HNRNPC: variants seen among roughly 807,000 people sequenced by gnomAD.
The protein encoded by HNRNPC is heterogeneous nuclear ribonucleoprotein C, also known as heterogeneous nuclear ribonucleoproteins C1/C2.
A neutral mutation model predicts 33.2 loss-of-function variants in HNRNPC; 3 were observed. The observed-to-expected ratio is 0.09, with a 90% CI of 0.04 to 0.23. The LOEUF (loss-of-function observed/expected upper bound fraction) is 0.23. Among genes scored for constraint, HNRNPC ranks in the 10% least tolerant of loss-of-function variants. HNRNPC has a pLI of 1.00. For synonymous variants in HNRNPC, 121 were observed against 126.7 expected (o/e 0.96, Z 0.30); for missense variants, 143 against 366.7 (o/e 0.39, Z 4.98).
At chr14:21,248,785 T>G (rs1341943726) in intron 2 of HNRNPC, among the ~76,000 whole-genome samples, 1 of 152,246 alleles carries the variant, frequency 6.6e-6, no homozygotes, top group Non-Finnish European at 1.5e-5. Context: ...CCATACTGCA[T>G]TTCCAGAAAA....
At chr14:21,228,781 A>C (rs185413414) in intron 5 of HNRNPC, among the ~76,000 whole-genome samples, 5 of 152,230 alleles carry the variant, frequency 3.3e-5, no homozygotes, top group African/African-American at 1.2e-4. Flanking sequence ...GTTCACACAT[A>C]ACTGTAAAAA....
At chr14:21,252,328 T>A (rs1896762366) in intron 2 of HNRNPC, among the ~76,000 whole-genome samples, 1 of 152,212 alleles carries the variant, frequency 6.6e-6, no homozygotes, top group Non-Finnish European at 1.5e-5. Flanking sequence ...GTTGTTGTTT[T>A]TGTTTTAAGT....
intron 5 of HNRNPC, among the ~76,000 whole-genome samples, chr14:21,220,051 A>ACAGC (rs1414580810): frequency 6.6e-6 from 1 of 152,224 alleles, no homozygotes; most frequent in Non-Finnish European, 1.5e-5. Flanking sequence ...GCTTCTCTGA[A>ACAGC]CAGCCACCCA....
intron 2 of HNRNPC, among the ~76,000 whole-genome samples, chr14:21,238,464 A>G (rs1894972805): frequency 1.3e-5 from 2 of 152,206 alleles, no homozygotes; most frequent in Non-Finnish European, 1.5e-5. Flanking sequence ...TCATTTTCAC[A>G]GTTTCTCTGT....
chr14:21,233,559 AAT>A (rs1281764142), intron 3 of HNRNPC, among the ~76,000 whole-genome samples: 1 of 152,124 alleles, frequency 6.6e-6, no homozygotes, highest in Non-Finnish European at 1.5e-5. Context: ...AATACAAGAA[AAT>A]CTAACACTGA....
Position 21,211,133 on chromosome 14 carries a change from T to C in HNRNPC, c.*90A>G. The stretch of plus-strand genomic sequence containing the variant: ...AACAGTGAGCATGTGCTGAAGATAC[T>C]AGGGGAGAGGATCTGGTGAAAAATT... On this transcript the variant is annotated 3_prime_UTR_variant, in exon 9 of 9. Transcript: ENST00000553300. 7.8e-7 allele frequency: 1 copy of C among 1,282,574 alleles called. No individual in the cohort carries two copies. Among genetic ancestry groups the C allele is most frequent in the South Asian group, 1.3e-5 (1 of 78,780 alleles). The allele number at this position is 1,282,574 out of a possible 1,614,324, so 79.4% of individuals were successfully genotyped here. A position where few individuals can be genotyped will look rare whatever the true frequency, so the allele number is the denominator to read the frequency against.
At chr14:21,212,842 G>A in intron 6 of HNRNPC, 118 bp downstream of exon 6, 1 of 1,304,518 alleles carries the variant, frequency 7.7e-7, no homozygotes. Flanking sequence ...CACACACCCA[G>A]CCTCTTCCAT....
At chr14:21,254,630 C>G (rs1226358634) in intron 2 of HNRNPC, 1 of 152,090 alleles carries the variant, frequency 6.6e-6, no homozygotes, top group Admixed American at 6.5e-5. Context: ...TTTTAGCAAG[C>G]TGCGGTGGCT....
chr14:21,257,576 T>C (rs1179636243), intron 2 of HNRNPC, among the ~76,000 whole-genome samples: 2 of 151,740 alleles, frequency 1.3e-5, no homozygotes, highest in South Asian at 2.1e-4. Context: ...AAAAAAAAGA[T>C]AGCTCACTTT....
At chr14:21,231,851 T>C (rs1344257900) in intron 3 of HNRNPC, among the ~76,000 whole-genome samples, 1 of 152,208 alleles carries the variant, frequency 6.6e-6, no homozygotes, top group South Asian at 2.1e-4. Context: ...GTTCAGCTCA[T>C]TCCGAATTAT....
At chr14:21,228,534 G>A (rs1199890124) in intron 5 of HNRNPC, among the ~76,000 whole-genome samples, 1 of 152,012 alleles carries the variant, frequency 6.6e-6, no homozygotes, top group African/African-American at 2.4e-5. Flanking sequence ...TGGGACTACA[G>A]GCGCGTGCCA....
Position 21,260,373 on chromosome 14 carries a change from A to T in HNRNPC, c.-37+2938T>A, listed in dbSNP as rs1166284527. Among the ~76,000 whole-genome samples, 1,111 of 150,450 alleles carry T rather than the reference A, an allele frequency of 7.4e-3. 18 individuals are homozygous for T. The highest frequency in any genetic ancestry group is 0.026 in the African/African-American group (1,054 of 40,952). Reference sequence around the variant, plus strand: ...AGAGCGAGACTCCGTCTTATTTAAAAAAAAAAAAAAAAAAAAATCCCTTTA... The same window carrying T: ...AGAGCGAGACTCCGTCTTATTTAAATAAAAAAAAAAAAAAAAATCCCTTTA... On this transcript the variant is annotated intron_variant, in intron 2 of 8. Transcript: ENST00000553300.
intron 2 of HNRNPC, among the ~76,000 whole-genome samples, chr14:21,253,426 T>G (rs535052423): frequency 8.5e-6 from 1 of 118,256 alleles, no homozygotes; most frequent in Admixed American, 1.2e-4. Flanking sequence ...GTGAGAGAGA[T>G]CACGCCACTG....
chr14:21,265,148 G>A (rs1880965142), intron 1 of HNRNPC: 1 of 152,216 alleles, frequency 6.6e-6, no homozygotes, highest in Non-Finnish European at 1.5e-5. Context: ...TACATTTGAT[G>A]TGTGAAAACT....
At chr14:21,219,639 C>T (rs900869598) in intron 5 of HNRNPC, among the ~76,000 whole-genome samples, 12 of 152,124 alleles carry the variant, frequency 7.9e-5, no homozygotes, top group Non-Finnish European at 1.5e-4. Context: ...TTGGCATTTT[C>T]AATCTCCTTT....
chr14:21,252,859 T>C (rs1482067606), intron 2 of HNRNPC, among the ~76,000 whole-genome samples: 4 of 152,118 alleles, frequency 2.6e-5, no homozygotes, highest in Non-Finnish European at 4.4e-5. Context: ...CTCTTTTGTG[T>C]ATGTGAAATT....
rs1891607136 is a variant in HNRNPC, at chr14:21,211,576, A to G, written c.638-10T>C. ...TCATTCTTCATCTCTACTGCGGATG[A>G]GAAGGACAAGTCTGTCTAGGGGCAG... On this transcript the variant is annotated splice_polypyrimidine_tract_variant and intron_variant, in intron 7 of 8. Coordinates refer to ENST00000553300, the MANE Select transcript of HNRNPC (RefSeq NM_004500.4). 1 of 1,601,522 alleles carries G rather than the reference A, an allele frequency of 6.2e-7. No homozygotes were observed. The highest frequency in any genetic ancestry group is 1.3e-5 in the African/African-American group (1 of 74,636).
chr14:21,242,505 A>G (rs1231368054), intron 2 of HNRNPC, among the ~76,000 whole-genome samples: 1 of 152,188 alleles, frequency 6.6e-6, no homozygotes, highest in Non-Finnish European at 1.5e-5. Context: ...AAGACACATT[A>G]TTTAAAATTT....
Position 21,213,015 on chromosome 14 carries a change from G to C in HNRNPC, c.468C>G (p.Gly156=). ...CACTCTTAGAATTGAAGCCACTTTTGCCCCTTCGTGAAGTGTTTCCTGATA... is the reference window on the plus strand; with the variant it reads ...CACTCTTAGAATTGAAGCCACTTTTCCCCCTTCGTGAAGTGTTTCCTGATA... ...QRVSGNTSRR[G]KSGFNSKSGQ... Residue 156 remains glycine (G), a synonymous_variant, in exon 6 of 9, where the codon GGC becomes GGG. Transcript: ENST00000553300. 6.2e-7 allele frequency: 1 copy of C among 1,613,956 alleles called. No individual in the cohort carries two copies. The highest frequency in any genetic ancestry group is 8.5e-7 in the Non-Finnish European group (1 of 1,179,856).
Sources: gnomAD v4.1 joint callset for allele counts (sites outside exome capture counted in the v4.1 genomes callset) on GRCh38, gnomAD v4.1.1 for gene constraint, MANE v1.5 for transcripts, NCBI Gene and HGNC (gene_info 2026-07-23, HGNC 2026-07-21) for gene names.